Variants in UAP1 observed in about 807,000 individuals in gnomAD.
UAP1 encodes UDP-N-acetylglucosamine pyrophosphorylase 1.
UAP1 carries 25 observed loss-of-function variants against 58.5 expected under a neutral mutation model. The observed-to-expected ratio is 0.43, with a 90% CI of 0.31 to 0.60. The LOEUF is 0.60. Among genes scored for constraint, UAP1 ranks in the 20% least tolerant of loss-of-function variants. The pLI, the probability that UAP1 is intolerant of heterozygous loss-of-function variation, is 0.11. For synonymous variants in UAP1, 208 were observed against 213.0 expected, an observed-to-expected ratio of 0.98 and a Z score of 0.21; for missense variants, 575 against 630.0, an observed-to-expected ratio of 0.91 and a Z score of 0.93.
chr1:162,593,226 A>G (rs1655424694), intron 9 of UAP1: 1 of 160,110 alleles, frequency 6.2e-6, no homozygotes, highest in African/African-American at 2.4e-5. Context: ...ATATGGAGAA[A>G]ACTGTTCTGT....
chr1:162,588,708 G>A (rs1202084090), exon 7 of UAP1: 2 of 1,609,720 alleles, frequency 1.2e-6, no homozygotes, highest in African/African-American at 1.3e-5. Flanking sequence ...ATGAACCTCA[G>A]TTGCAGCACC....
chr1:162,581,722 T>G (rs1654598299), intron 5 of UAP1, among the ~76,000 whole-genome samples: 1 of 152,222 alleles, frequency 6.6e-6, no homozygotes, highest in Admixed American at 6.5e-5. Context: ...TGGTCATCAC[T>G]AGACCTGGGT....
chr1:162,598,240 T>C (rs953047302), intron 10 of UAP1, among the ~76,000 whole-genome samples: 5 of 141,120 alleles, frequency 3.5e-5, no homozygotes, highest in African/African-American at 1.2e-4. Flanking sequence ...AATAAAACTT[T>C]TTTAAAAAGT....
chr1:162,587,096 T>C (rs1654942966), intron 5 of UAP1, among the ~76,000 whole-genome samples: 1 of 152,212 alleles, frequency 6.6e-6, no homozygotes, highest in African/African-American at 2.4e-5. Flanking sequence ...TTTCATTTTA[T>C]TTATTATGAA....
At position 162,592,705 on chromosome 1, in the gene UAP1, C is replaced by T. The variant is rs1463481155; in HGVS notation, c.1359-27C>T. On this transcript the variant is annotated intron_variant, in intron 8 of 10. Transcript: ENST00000271469. The stretch of plus-strand genomic sequence containing the variant: ...TTATTGTTTGATTTGCTTCCATTCC[C>T]ATTAATCCTTATTTATTCCCACATA... The T allele has an allele frequency of 5.3e-6, 8 of 1,519,844 alleles. 1 individual carries two copies. In the South Asian group the frequency reaches 8.4e-5, roughly 16 times the overall value. 94.1% of individuals were successfully genotyped at this position (1,519,844 alleles called of 1,614,324 possible). A position where few individuals can be genotyped will look rare whatever the true frequency, so the allele number is the denominator to read the frequency against.
intron 2 of UAP1, among the ~76,000 whole-genome samples, chr1:162,572,696 A>G (rs1653942348): frequency 6.6e-6 from 1 of 152,198 alleles, no homozygotes; most frequent in Non-Finnish European, 1.5e-5. Context: ...TTATTATAAC[A>G]CCTTTGATGG....
chr1:162,589,121 T>A (rs1198428268), intron 7 of UAP1, among the ~76,000 whole-genome samples: 38 of 116,396 alleles, frequency 3.3e-4, no homozygotes, highest in East Asian at 6.3e-4. Context: ...TATATATATT[T>A]TATATATATA....
rs1557970274 is a variant in UAP1 at position 162,577,434 on chromosome 1, C to CTTTTTT, written c.485+453_485+454insTTTTTT. 1.5e-3 allele frequency among the ~76,000 whole-genome samples: 213 copies of CTTTTTT among 138,210 alleles called. 5 individuals carry two copies. Among genetic ancestry groups the CTTTTTT allele is most frequent in the African/African-American group, 5.8e-3 (202 of 34,834 alleles). 90.7% of individuals were successfully genotyped at this position (138,210 alleles called of 152,430 possible). On this transcript the variant is annotated intron_variant, in intron 3 of 10. Transcript: ENST00000271469. ...CACCTTGGTCAGTGTTAGTTCCTTCCCTTTTTTTTTTTTTTTTTTTTTTTT... is the reference window on the plus strand; with the variant it reads ...CACCTTGGTCAGTGTTAGTTCCTTCCTTTTTTCTTTTTTTTTTTTTTTTTTTTTTTT...
At chr1:162,588,983 T>C in intron 7 of UAP1, 150 bp downstream of exon 7, 1 of 790,784 alleles carries the variant, frequency 1.3e-6, no homozygotes, top group African/African-American at 1.8e-5. Flanking sequence ...AGATTCATTA[T>C]AGTTCTCTGG....
rs145017109 is a variant in UAP1, at chr1:162,589,827, G to A, written c.1170-496G>A. The stretch of plus-strand genomic sequence containing the variant: ...TCTCTACTAACAGTACAAAAATTAG[G>A]TGGGCGTGGTGGTGCATGCCTGAAG... On this transcript the variant is annotated intron_variant, in intron 7 of 10. Transcript: ENST00000271469. Among the ~76,000 whole-genome samples, 1,225 of 152,080 alleles carry A rather than the reference G, an allele frequency of 8.1e-3. 23 individuals are homozygous for A. The highest frequency in any genetic ancestry group is 0.028 in the African/African-American group (1,143 of 41,474).
chr1:162,583,146 CTTTTTTTTTT>C (rs11376471), intron 5 of UAP1, among the ~76,000 whole-genome samples: 16 of 68,042 alleles, frequency 2.4e-4, no homozygotes, highest in East Asian at 1.0e-3. Flanking sequence ...TGGTGTCACT[CTTTTTTTTTT>C]TTTTTTTTTT....
At chr1:162,588,585 T>C in intron 6 of UAP1, 108 bp from the exon 7 acceptor site, 4 of 1,185,226 alleles carry the variant, frequency 3.4e-6, no homozygotes, top group South Asian at 1.5e-5. Context: ...CTCTTCACTT[T>C]GAAAATCTTA....
chr1:162,565,956 G>C, intron 1 of UAP1, 56 bp from the exon 2 acceptor site: 1 of 1,140,488 alleles, frequency 8.8e-7, no homozygotes. Context: ...GGGGAAAAAA[G>C]CCCTCAATTT....
At chr1:162,572,596 A>C (rs1328320203) in intron 2 of UAP1, among the ~76,000 whole-genome samples, 2 of 152,246 alleles carry the variant, frequency 1.3e-5, no homozygotes, top group Non-Finnish European at 2.9e-5. Context: ...GTGCCATATG[A>C]AGAAAATGTA....
At chr1:162,575,919 G>T (rs1242825630) in intron 2 of UAP1, among the ~76,000 whole-genome samples, 1 of 152,080 alleles carries the variant, frequency 6.6e-6, no homozygotes, top group South Asian at 2.1e-4. Context: ...CTGACCTCAG[G>T]TGATCCACCT....
At chr1:162,581,968 A>C (rs1654618256) in intron 5 of UAP1, among the ~76,000 whole-genome samples, 1 of 152,208 alleles carries the variant, frequency 6.6e-6, no homozygotes, top group Admixed American at 6.5e-5. Context: ...ACTGATACTA[A>C]GTTGGAGGGA....
intron 2 of UAP1, among the ~76,000 whole-genome samples, chr1:162,574,783 G>C (rs1225648623): frequency 6.6e-6 from 1 of 151,982 alleles, no homozygotes; most frequent in African/African-American, 2.4e-5. Flanking sequence ...CTTAGGAATG[G>C]ATTATGGCAA....
At chr1:162,599,432 A>G (rs1462048979) in exon 11 of UAP1, 2 of 1,006,060 alleles carry the variant, frequency 2.0e-6, no homozygotes, top group Non-Finnish European at 3.1e-6. Context: ...CTGTGAACCT[A>G]CAAGACGTCT....
intron 2 of UAP1, among the ~76,000 whole-genome samples, chr1:162,570,563 G>C (rs185196534): frequency 1.5e-3 from 232 of 152,034 alleles, no homozygotes; most frequent in Non-Finnish European, 2.6e-3. Flanking sequence ...AAATATATGG[G>C]TGTTTTCTTA....
Sources: allele counts gnomAD v4.1 joint callset (sites outside exome capture counted in the v4.1 genomes callset), GRCh38; gene constraint gnomAD v4.1.1; transcripts MANE v1.5; gene names NCBI Gene and HGNC (gene_info 2026-07-23, HGNC 2026-07-21).